Variants in MPP7 observed in about 807,000 individuals in gnomAD.
MPP7 encodes the protein MAGUK p55 scaffold protein 7.
In MPP7, 60 loss-of-function variants were observed where a neutral mutation model predicts 76.5. The ratio of observed to expected loss-of-function variants is 0.78; its 90% CI spans 0.64 to 0.97. The LOEUF is 0.97. MPP7 is among the 50% of genes least tolerant of loss of function. The probability of loss-of-function intolerance (pLI) is 0.00; values close to 1 mark genes in which losing one functional copy is unlikely to be tolerated. For missense variants in MPP7, 641 were observed against 694.0 expected (o/e 0.92, Z 0.86); for synonymous variants, 237 against 244.5 (o/e 0.97, Z 0.29).
chr10:28,296,342 GT>G (rs1185468656), intron 1 of MPP7, among the ~76,000 whole-genome samples: 2 of 152,140 alleles, frequency 1.3e-5, no homozygotes, highest in African/African-American at 2.4e-5. Flanking sequence ...AACTGGCAGT[GT>G]TCTGGTAAGA....
intron 12 of MPP7, among the ~76,000 whole-genome samples, chr10:28,088,566 G>C (rs979551288): frequency 2.0e-5 from 3 of 152,066 alleles, no homozygotes; most frequent in Admixed American, 2.0e-4. Context: ...ATAGCCTGTG[G>C]AACTGTGAGT....
intron 8 of MPP7, among the ~76,000 whole-genome samples, chr10:28,120,997 AT>A (rs1279222580): frequency 6.6e-6 from 1 of 152,230 alleles, no homozygotes; most frequent in African/African-American, 2.4e-5. Flanking sequence ...TAAACACAGT[AT>A]TCAATGACTA....
intron 3 of MPP7, among the ~76,000 whole-genome samples, chr10:28,150,838 G>C (rs1371554649): frequency 6.6e-6 from 1 of 152,044 alleles, no homozygotes; most frequent in African/African-American, 2.4e-5. Flanking sequence ...TCCCATGTAA[G>C]ACACACTGAG....
At chr10:28,278,721 T>C (rs982745139) in intron 1 of MPP7, among the ~76,000 whole-genome samples, 1 of 151,920 alleles carries the variant, frequency 6.6e-6, no homozygotes, top group Non-Finnish European at 1.5e-5. Flanking sequence ...TATATACAAA[T>C]TCATATTAAC....
intron 8 of MPP7, among the ~76,000 whole-genome samples, chr10:28,122,775 C>T (rs4336934): frequency 0.26 from 38,989 of 151,896 alleles, 7,163 homozygotes; most frequent in East Asian, 0.88. Flanking sequence ...ATTATATATA[C>T]TGAAAATATT....
chr10:28,102,577 T>A (rs1489719682), intron 11 of MPP7, among the ~76,000 whole-genome samples: 3 of 152,208 alleles, frequency 2.0e-5, no homozygotes, highest in African/African-American at 7.2e-5. Context: ...GTCAACTCAA[T>A]ACGCCTCAAA....
chr10:28,266,592 A>C (rs1173485634), intron 1 of MPP7, among the ~76,000 whole-genome samples: 2 of 152,186 alleles, frequency 1.3e-5, no homozygotes, highest in Non-Finnish European at 2.9e-5. Context: ...AAAGAAAAAA[A>C]AGTGAATGCA....
intron 1 of MPP7, among the ~76,000 whole-genome samples, chr10:28,241,778 T>C (rs866604493): frequency 5.9e-5 from 9 of 152,162 alleles, no homozygotes; most frequent in Non-Finnish European, 7.4e-5. Flanking sequence ...CAATACCCAA[T>C]AGAACGATTA....
intron 1 of MPP7, among the ~76,000 whole-genome samples, chr10:28,285,437 G>C (rs1187037461): frequency 6.6e-6 from 1 of 152,032 alleles, no homozygotes; most frequent in Non-Finnish European, 1.5e-5. Context: ...CGTCCACCTC[G>C]GCCTCCCAAA....
intron 3 of MPP7, among the ~76,000 whole-genome samples, chr10:28,183,868 G>T (rs902751071): frequency 2.0e-5 from 3 of 152,152 alleles, no homozygotes; most frequent in Admixed American, 2.0e-4. Flanking sequence ...ACTGAAAATG[G>T]TGCAAATCCT....
In MPP7 at chr10:28,089,729, T is replaced by C; in HGVS notation, c.1065A>G (p.Glu355=). The C allele has an allele frequency of 6.2e-7, 1 of 1,613,952 alleles. No homozygotes were observed. Among genetic ancestry groups the C allele is most frequent in the African/African-American group, 1.3e-5 (1 of 75,026 alleles). Residue 355 remains glutamate, a synonymous_variant, in exon 12 of 17, where the codon GAA becomes GAG. Coordinates refer to ENST00000683449, the MANE Select transcript of MPP7 (RefSeq NM_001318170.2). ...QYDTADVPTY[E]EVTPYRRQTN... The stretch of plus-strand genomic sequence containing the variant: ...TTTGTCGCCGATACGGTGTCACTTC[T>C]TCGTATGTGGGTACGTCAGCTGTGT...
At chr10:28,326,932 G>A (rs1363736056) in intron 2 of MPP7, among the ~76,000 whole-genome samples, 1 of 152,166 alleles carries the variant, frequency 6.6e-6, no homozygotes, top group Non-Finnish European at 1.5e-5. Context: ...AAGTGTTCGT[G>A]GCCACTAAGC....
chr10:28,308,731 T>A (rs1314162518), intron 2 of MPP7, among the ~76,000 whole-genome samples: 1 of 151,828 alleles, frequency 6.6e-6, no homozygotes, highest in Non-Finnish European at 1.5e-5. Flanking sequence ...TGAGCTATGA[T>A]CACGCCATTG....
intron 1 of MPP7, among the ~76,000 whole-genome samples, chr10:28,250,507 G>C (rs557118755): frequency 6.6e-6 from 1 of 152,146 alleles, no homozygotes; most frequent in South Asian, 2.1e-4. Context: ...CCTCAAATTG[G>C]TCTGTTCCCA....
intron 3 of MPP7, among the ~76,000 whole-genome samples, chr10:28,160,785 T>C (rs1216672078): frequency 1.3e-5 from 2 of 152,200 alleles, no homozygotes; most frequent in African/African-American, 4.8e-5. Flanking sequence ...CTGAAACCAC[T>C]GGTCCAGGCT....
At chr10:28,245,013 T>C (rs7896797) in intron 1 of MPP7, among the ~76,000 whole-genome samples, 21,578 of 152,164 alleles carry the variant, frequency 0.14, 1,685 homozygotes, top group African/African-American at 0.19. Flanking sequence ...TGGCACATCC[T>C]CCACACTTCT....
intron 1 of MPP7, among the ~76,000 whole-genome samples, chr10:28,264,739 G>A (rs1840090907): frequency 6.6e-6 from 1 of 152,108 alleles, no homozygotes; most frequent in Admixed American, 6.6e-5. Flanking sequence ...TATTACAGTT[G>A]GGATAAAATA....
chr10:28,052,660 G>A lies in MPP7; in HGVS notation c.*1405C>T, dbSNP rs1190004884. 6.6e-6 allele frequency: 1 copy of A among 152,220 alleles called. No individual in the cohort carries two copies. Among genetic ancestry groups the A allele is most frequent in the Non-Finnish European group, 1.5e-5 (1 of 67,984 alleles). The allele number at this position is 152,220 out of a possible 1,614,324, so 9.4% of individuals were successfully genotyped here. A position where few individuals can be genotyped will look rare whatever the true frequency, so the allele number is the denominator to read the frequency against. On this transcript the variant is annotated 3_prime_UTR_variant, in exon 17 of 17. Transcript: ENST00000683449. ...ATACAATCAGTTTATTTTATGAATA[G>A]CCCCGTTTGATATTTAAAAAAATAT...
At chr10:28,086,414 G>A (rs1391005632) in intron 12 of MPP7, among the ~76,000 whole-genome samples, 1 of 152,182 alleles carries the variant, frequency 6.6e-6, no homozygotes, top group Non-Finnish European at 1.5e-5. Context: ...AAAGGCCAAA[G>A]GGGAAACAGG....
Sources: gnomAD v4.1 joint callset for allele counts (sites outside exome capture counted in the v4.1 genomes callset) on GRCh38, gnomAD v4.1.1 for gene constraint, MANE v1.5 for transcripts, NCBI Gene and HGNC (gene_info 2026-07-23, HGNC 2026-07-21) for gene names.